The following EXOC1 variants were observed in gnomAD, a reference collection of about 807,000 sequenced individuals.
EXOC1 encodes the protein exocyst complex component 1.
Under a neutral mutation model 107.7 loss-of-function variants are expected in EXOC1, and 67 were observed. The observed-to-expected ratio is 0.62, with a 90% CI of 0.51 to 0.76. The LOEUF (loss-of-function observed/expected upper bound fraction) is 0.76, where lower values mean the gene tolerates loss of function less well. Ranked by LOEUF, EXOC1 falls within the 30% of genes least tolerant of loss-of-function variation. The pLI is 0.00. For missense variants in EXOC1, 833 were observed against 1,055.7 expected, an observed-to-expected ratio of 0.79 and a Z score of 2.92; for synonymous variants, 348 against 353.5, an observed-to-expected ratio of 0.98 and a Z score of 0.17.
rs1356387664 is a variant in EXOC1, at chr4:55,893,720, C to T, written c.1893C>T (p.Phe631=). The T allele has an allele frequency of 6.8e-6, 11 of 1,613,994 alleles. No individual in the cohort carries two copies. The highest frequency in any genetic ancestry group is 1.3e-5 in the African/African-American group (1 of 74,910). The change falls in exon 15 of 19, where the codon TTC becomes TTT. Residue 631 remains phenylalanine (F), a synonymous_variant. Transcript: ENST00000381295. ...CACAAAATGTGGACCCTGCTTCTTT[C>T]CTAAGTACTACATTGGGAAATGTTT... ...WTAQNVDPAS[F]LSTTLGNVLV...
At chr4:55,903,937 T>G (rs1344836265) in intron 18 of EXOC1, among the ~76,000 whole-genome samples, 4 of 152,172 alleles carry the variant, frequency 2.6e-5, no homozygotes, top group African/African-American at 9.7e-5. Context: ...GCATTACATT[T>G]TATGTAATCA....
rs1277520964 is a variant in EXOC1 at position 55,892,806 on chromosome 4, C to T, written c.1724+95C>T. The T allele has an allele frequency of 3.6e-6, 4 of 1,114,870 alleles. No homozygotes were observed. In the Admixed American group the frequency reaches 7.1e-5, roughly 20 times the overall value. 69.1% of individuals were successfully genotyped at this position (1,114,870 alleles called of 1,614,324 possible). A position where few individuals can be genotyped will look rare whatever the true frequency, so the allele number is the denominator to read the frequency against. On this transcript the variant is annotated intron_variant, in intron 14 of 18. Coordinates refer to ENST00000381295, the MANE Select transcript of EXOC1 (RefSeq NM_001024924.2). ...GAGGGGTCTAGATGTTTCTCAGTAG[C>T]CTGACAGCACTCACAGTACCAGCAT...
intron 8 of EXOC1, chr4:55,875,430 T>C (rs999505519): frequency 3.9e-5 from 38 of 982,408 alleles, no homozygotes; most frequent in Non-Finnish European, 4.6e-5. Context: ...CTTGAAAATT[T>C]ATTCAAATTT....
At chr4:55,861,426 C>T (rs1485374297) in intron 3 of EXOC1, among the ~76,000 whole-genome samples, 2 of 152,134 alleles carry the variant, frequency 1.3e-5, no homozygotes, top group African/African-American at 4.8e-5. Context: ...AAAAAACTGC[C>T]TGTGTAAAGC....
intron 9 of EXOC1, among the ~76,000 whole-genome samples, chr4:55,878,586 A>C (rs1304828524): frequency 6.6e-6 from 1 of 152,226 alleles, no homozygotes; most frequent in South Asian, 2.1e-4. Context: ...AATTTTAAGC[A>C]TGTGGCAGTA....
intron 10 of EXOC1, 34 bp downstream of exon 10, chr4:55,883,962 A>G: frequency 1.4e-6 from 2 of 1,426,034 alleles, no homozygotes; most frequent in South Asian, 1.3e-5. Flanking sequence ...TTATCTTCCT[A>G]TTAAAAATGG....
intron 9 of EXOC1, 115 bp from the exon 10 acceptor site, chr4:55,883,708 A>G: frequency 1.7e-6 from 1 of 574,280 alleles, no homozygotes; most frequent in South Asian, 3.2e-5. Flanking sequence ...TGTGAAATAC[A>G]TCAAAGTTTT....
At chr4:55,865,500 G>C (rs564876162) in intron 4 of EXOC1, among the ~76,000 whole-genome samples, 50 of 152,276 alleles carry the variant, frequency 3.3e-4, no homozygotes, top group Middle Eastern at 3.4e-3. Context: ...TGAGTGTGTA[G>C]AGGGAATGAC....
In EXOC1 at chr4:55,892,016, A is replaced by G. The variant is rs975468690; in HGVS notation, c.1647+594A>G. On this transcript the variant is annotated intron_variant, in intron 13 of 18. Transcript: ENST00000381295. ...TGAGAGAGTTTCTTGAGTATTTTGA[A>G]GAACTTAAAAACAGTGCAAATAAAG... Among the ~76,000 whole-genome samples, 4 of 152,334 alleles carry G rather than the reference A, an allele frequency of 2.6e-5. No individual in the cohort carries two copies. In the South Asian group the frequency reaches 6.2e-4, roughly 24 times the overall value.
At chr4:55,855,694 A>G (rs954338851) in intron 1 of EXOC1, among the ~76,000 whole-genome samples, 4 of 152,214 alleles carry the variant, frequency 2.6e-5, no homozygotes, top group African/African-American at 9.7e-5. Context: ...ATTTTAGCAC[A>G]ATCTTGAGGG....
chr4:55,870,890 G>A lies in EXOC1; in HGVS notation c.816G>A (p.Glu272=). 6.2e-7 allele frequency: 1 copy of A among 1,612,926 alleles called. No homozygotes were observed. The highest frequency in any genetic ancestry group is 8.5e-7 in the Non-Finnish European group (1 of 1,179,332). ...CTAATAATGTAAAACTCCTATCTGAGATAGAGTTCCTTGTGGTAAGTATGA... is the reference window on the plus strand; with the variant it reads ...CTAATAATGTAAAACTCCTATCTGAAATAGAGTTCCTTGTGGTAAGTATGA... The part of the protein sequence containing the change: ...SNTNNVKLLS[E]IEFLVNHMDL... The change falls in exon 6 of 19, where the codon GAG becomes GAA. Residue 272 remains glutamate (E), a synonymous_variant. Coordinates refer to ENST00000381295, the MANE Select transcript of EXOC1 (RefSeq NM_001024924.2).
At chr4:55,876,889 CATTT>C in intron 8 of EXOC1, 1 of 985,152 alleles carries the variant, frequency 1.0e-6, no homozygotes, top group Non-Finnish European at 1.2e-6. Flanking sequence ...GATTTGAAAA[CATTT>C]ATGAAGAAGG....
In EXOC1 at chr4:55,896,879, A is replaced by G. The variant is rs1215205750; in HGVS notation, c.2116A>G (p.Ile706Val). 1.9e-6 allele frequency: 3 copies of G among 1,598,200 alleles called. No individual in the cohort carries two copies. Among genetic ancestry groups the G allele is most frequent in the East Asian group, 4.5e-5 (2 of 44,152 alleles). ...GDLDKAYTKL[I>V]RGVFVNVEKV... ...CCTGGATAAAGCATACACCAAACTT[A>G]TCAGAGGAGTATTTGTTAATGGTAA... Residue 706 changes from isoleucine to valine, a missense_variant, in exon 16 of 19, where the codon ATC becomes GTC. Ile to Val is a conservative substitution (Grantham distance 29). This residue lies in a region of EXOC1 where 216 missense variants were observed against 354.4 expected (regional missense o/e 0.61). Coordinates refer to ENST00000381295, the MANE Select transcript of EXOC1 (RefSeq NM_001024924.2).
At chr4:55,865,192 A>G (rs1721844426) in intron 4 of EXOC1, among the ~76,000 whole-genome samples, 1 of 152,206 alleles carries the variant, frequency 6.6e-6, no homozygotes, top group Non-Finnish European at 1.5e-5. Flanking sequence ...TTATTAGAAT[A>G]TTTTTGATCA....
intron 17 of EXOC1, among the ~76,000 whole-genome samples, chr4:55,901,038 A>G (rs1368828794): frequency 2.6e-5 from 4 of 152,250 alleles, no homozygotes; most frequent in African/African-American, 9.6e-5. Context: ...TAAAGCTTAC[A>G]TGATACTTAA....
intron 3 of EXOC1, among the ~76,000 whole-genome samples, chr4:55,863,413 G>A (rs1453999457): frequency 3.3e-5 from 5 of 152,058 alleles, no homozygotes; most frequent in Non-Finnish European, 1.5e-5. Flanking sequence ...CGAAGCAGGA[G>A]GATCAACTGG....
At chr4:55,884,343 A>G (rs899105006) in intron 10 of EXOC1, among the ~76,000 whole-genome samples, 3 of 152,210 alleles carry the variant, frequency 2.0e-5, no homozygotes, top group African/African-American at 4.8e-5. Context: ...TGCTCTCCAC[A>G]TAGAAATGAA....
chr4:55,900,808 G>A (rs188762659), intron 17 of EXOC1: 1 of 152,310 alleles, frequency 6.6e-6, no homozygotes, highest in East Asian at 1.9e-4. Flanking sequence ...ATCCTAGGAG[G>A]TGGTGGTTGC....
intron 2 of EXOC1, 114 bp downstream of exon 2, chr4:55,858,561 C>G (rs1283532493): frequency 8.7e-7 from 1 of 1,152,964 alleles, no homozygotes; most frequent in African/African-American, 1.6e-5. Context: ...ATTGTTGGGT[C>G]AACACATTCC....
Sources: allele counts gnomAD v4.1 joint callset (sites outside exome capture counted in the v4.1 genomes callset), GRCh38; gene constraint gnomAD v4.1.1; regional missense constraint gnomAD v4.1.1; transcripts MANE v1.5; gene names NCBI Gene and HGNC (gene_info 2026-07-23, HGNC 2026-07-21).